ARL5A: variants seen among roughly 807,000 people sequenced by gnomAD.
ARL5A encodes ADP-ribosylation factor-like protein 5A.
ARL5A carries 18 observed loss-of-function variants against 25.9 expected under a neutral mutation model. The observed-to-expected ratio is 0.69, with a 90% CI of 0.48 to 1.03. ARL5A has a LOEUF of 1.03. ARL5A is among the 50% of genes least tolerant of loss of function. The pLI, the probability that ARL5A is intolerant of heterozygous loss-of-function variation, is 0.00. For missense variants in ARL5A, 170 were observed against 211.9 expected (o/e 0.80, Z 1.23); for synonymous variants, 61 against 67.5 (o/e 0.90, Z 0.47).
intron 4 of ARL5A, among the ~76,000 whole-genome samples, chr2:151,809,515 A>G (rs2099830539): frequency 6.6e-6 from 1 of 152,192 alleles, no homozygotes; most frequent in African/African-American, 2.4e-5. Context: ...TTATTATATA[A>G]CCTCAAAACC....
In ARL5A at chr2:151,828,370, C is replaced by A; in HGVS notation, c.-194G>T. ...CCCTGCCGCGCGCAAGGCCCCGCCG[C>A]TGCCGCCGCGGCACTCGCCTGGCTC... On this transcript the variant is annotated 5_prime_UTR_variant, in exon 1 of 6. Transcript: ENST00000295087. The A allele has an allele frequency of 2.1e-6, 1 of 467,656 alleles. No individual in the cohort carries two copies. Among genetic ancestry groups the A allele is most frequent in the East Asian group, 3.8e-5 (1 of 26,452 alleles). The allele number at this position is 467,656 out of a possible 1,614,324, so 29.0% of individuals were successfully genotyped here. A position where few individuals can be genotyped will look rare whatever the true frequency, so the allele number is the denominator to read the frequency against.
intron 5 of ARL5A, among the ~76,000 whole-genome samples, chr2:151,804,790 A>G (rs75167467): frequency 0.014 from 2,160 of 152,302 alleles, 58 homozygotes; most frequent in African/African-American, 0.05. Flanking sequence ...TGGGAAAAGT[A>G]GGAGTCAAAT....
chr2:151,810,513 G>A (rs776433544), intron 4 of ARL5A: 1 of 421,798 alleles, frequency 2.4e-6, no homozygotes, highest in South Asian at 1.7e-5. Flanking sequence ...TCCTCATTCA[G>A]TCTCCTTTCA....
At chr2:151,821,710 T>G (rs893210151) in intron 1 of ARL5A, among the ~76,000 whole-genome samples, 1 of 151,754 alleles carries the variant, frequency 6.6e-6, no homozygotes, top group African/African-American at 2.4e-5. Context: ...GTTCAAACGA[T>G]TCTCCTCCTG....
chr2:151,815,165 T>C lies in ARL5A; in HGVS notation c.81A>G (p.Ala27=). The C allele has an allele frequency of 1.9e-6, 3 of 1,607,710 alleles. No individual in the cohort carries two copies. Among genetic ancestry groups the C allele is most frequent in the Non-Finnish European group, 2.5e-6 (3 of 1,177,258 alleles). The change falls in exon 2 of 6, where the codon GCA becomes GCG. Residue 27 remains alanine (A), a synonymous_variant. Coordinates refer to ENST00000295087, the MANE Select transcript of ARL5A (RefSeq NM_012097.4). ...HKVIIVGLDN[A]GKTTILYQFS... is the part of the protein sequence containing the mutation. Reference sequence around the variant, plus strand: ...ATTGGTAAAGAATGGTAGTTTTCCCTGCATTATCCAGCCCAACAATGATAA... The same window carrying C: ...ATTGGTAAAGAATGGTAGTTTTCCCCGCATTATCCAGCCCAACAATGATAA...
At chr2:151,820,419 G>T (rs146001198) in intron 1 of ARL5A, among the ~76,000 whole-genome samples, 7,216 of 152,168 alleles carry the variant, frequency 0.047, 241 homozygotes, top group Non-Finnish European at 0.071. Context: ...CAGCACTTTG[G>T]GGGGCTGAGG....
chr2:151,825,078 C>T (rs2099832865), intron 1 of ARL5A, among the ~76,000 whole-genome samples: 1 of 152,184 alleles, frequency 6.6e-6, no homozygotes, highest in African/African-American at 2.4e-5. Context: ...CCCAACACTA[C>T]ATGAAAGCTC....
At chr2:151,818,112 G>A (rs1003982817) in intron 1 of ARL5A, among the ~76,000 whole-genome samples, 1 of 152,118 alleles carries the variant, frequency 6.6e-6, no homozygotes, top group Non-Finnish European at 1.5e-5. Flanking sequence ...AATAAGAACA[G>A]CAAATGAGTA....
At chr2:151,827,938 C>A in intron 1 of ARL5A, 193 bp downstream of exon 1, 1 of 589,208 alleles carries the variant, frequency 1.7e-6, no homozygotes, top group Non-Finnish European at 3.0e-6. Flanking sequence ...CAAAGGGCTG[C>A]GAGTCAGGAA....
chr2:151,803,343 C>T lies in ARL5A; in HGVS notation c.492-19G>A, dbSNP rs766134219. The T allele has an allele frequency of 2.5e-6, 4 of 1,601,808 alleles. No homozygotes were observed. The Admixed American group carries it at 5.0e-5, about 20-fold the overall frequency. On this transcript the variant is annotated intron_variant, in intron 5 of 5. Transcript: ENST00000295087. ...GCACAATCTATAAAGAAAACAAAAT[C>T]ATTTGATTAAATTCTGAACTAAGAA...
rs535350050 is a variant in ARL5A, at chr2:151,799,297, T to C, written c.*3979A>G. ...ACAGGTTTATTTTTTAAGGATAGGC[T>C]TTTCATTACTAACTCCTTTAGACAT... On this transcript the variant is annotated 3_prime_UTR_variant, in exon 6 of 6. Coordinates refer to ENST00000295087, the MANE Select transcript of ARL5A (RefSeq NM_012097.4). 1 of 152,346 alleles carries C rather than the reference T, an allele frequency of 6.6e-6. No homozygotes were observed. The highest frequency in any genetic ancestry group is 1.5e-5 in the Non-Finnish European group (1 of 68,028). 9.4% of individuals were successfully genotyped at this position (152,346 alleles called of 1,614,324 possible).
chr2:151,823,915 G>A (rs781007130), intron 1 of ARL5A, among the ~76,000 whole-genome samples: 5 of 152,184 alleles, frequency 3.3e-5, no homozygotes, highest in South Asian at 2.1e-4. Flanking sequence ...AGCAGAGCCC[G>A]TCAAGAAAGC....
intron 1 of ARL5A, among the ~76,000 whole-genome samples, chr2:151,827,041 G>C (rs2099833156): frequency 1.3e-5 from 2 of 152,176 alleles, no homozygotes; most frequent in Non-Finnish European, 2.9e-5. Context: ...GGAGGTGGTA[G>C]TAGTAGGTGT....
chr2:151,823,118 A>G (rs1158393620), intron 1 of ARL5A, among the ~76,000 whole-genome samples: 1 of 152,176 alleles, frequency 6.6e-6, no homozygotes, highest in Non-Finnish European at 1.5e-5. Flanking sequence ...ACTATCACTA[A>G]GCCCTATTAA....
At chr2:151,817,393 A>G (rs1471361883) in intron 1 of ARL5A, among the ~76,000 whole-genome samples, 1 of 152,244 alleles carries the variant, frequency 6.6e-6, no homozygotes, top group African/African-American at 2.4e-5. Context: ...TAGGTACTCA[A>G]TAAATGTTGA....
At chr2:151,827,469 T>C (rs1300223394) in intron 1 of ARL5A, 1 of 152,212 alleles carries the variant, frequency 6.6e-6, no homozygotes, top group African/African-American at 2.4e-5. Context: ...ACAAAAACTG[T>C]GTCTAATAAC....
intron 1 of ARL5A, among the ~76,000 whole-genome samples, chr2:151,819,130 C>A (rs1578379877): frequency 6.6e-6 from 1 of 152,058 alleles, no homozygotes; most frequent in Admixed American, 6.5e-5. Flanking sequence ...TAATATATAA[C>A]AATAAAGAAT....
intron 2 of ARL5A, among the ~76,000 whole-genome samples, chr2:151,814,869 C>T (rs1165038593): frequency 1.3e-5 from 2 of 152,102 alleles, no homozygotes; most frequent in Non-Finnish European, 2.9e-5. Context: ...AGGCACCGCA[C>T]CCGGCCATAT....
intron 2 of ARL5A, 21 bp from the exon 3 acceptor site, chr2:151,814,337 A>G: frequency 6.8e-7 from 1 of 1,464,032 alleles, no homozygotes; most frequent in Non-Finnish European, 9.0e-7. Context: ...AAGTTTATAT[A>G]CATTACAATT....
Sources: gnomAD v4.1 joint callset for allele counts (sites outside exome capture counted in the v4.1 genomes callset) on GRCh38, gnomAD v4.1.1 for gene constraint, MANE v1.5 for transcripts, NCBI Gene and HGNC (gene_info 2026-07-23, HGNC 2026-07-21) for gene names.